Variants in LIPC observed in about 807,000 individuals in gnomAD.
The protein encoded by LIPC is lipase C, hepatic type.
A neutral mutation model predicts 50.7 loss-of-function variants in LIPC; 44 were observed. The observed-to-expected ratio is 0.87, with a 90% CI of 0.68 to 1.11. LIPC has a LOEUF of 1.11. Among genes scored for constraint, LIPC ranks in the 50% most tolerant of loss-of-function variants. The pLI, the probability that LIPC is intolerant of heterozygous loss-of-function variation, is 0.00. For missense variants in LIPC, 697 were observed against 648.2 expected (o/e 1.08, Z -0.82); for synonymous variants, 271 against 256.4 (o/e 1.06, Z -0.54).
At chr15:58,473,601 T>A (rs1566920552) in intron 1 of LIPC, 1 of 152,272 alleles carries the variant, frequency 6.6e-6, no homozygotes, top group African/African-American at 2.4e-5. Flanking sequence ...TGGCATCGGC[T>A]GGTTCAGCTA....
At chr15:58,531,206 C>T (rs1892949641) in intron 1 of LIPC, among the ~76,000 whole-genome samples, 1 of 152,158 alleles carries the variant, frequency 6.6e-6, no homozygotes, top group South Asian at 2.1e-4. Flanking sequence ...TTTAAATTTG[C>T]ATTTCTCCCA....
At chr15:58,526,335 T>C (rs550298476) in intron 1 of LIPC, among the ~76,000 whole-genome samples, 1 of 152,336 alleles carries the variant, frequency 6.6e-6, no homozygotes, top group South Asian at 2.1e-4. Context: ...GTCAGACTGA[T>C]TTCCTCATTA....
At chr15:58,505,784 C>A (rs1356038101) in intron 1 of LIPC, among the ~76,000 whole-genome samples, 1 of 152,162 alleles carries the variant, frequency 6.6e-6, no homozygotes, top group Non-Finnish European at 1.5e-5. Flanking sequence ...CAGTTCCCAC[C>A]CGAGCCAACA....
chr15:58,517,890 C>G (rs72743015), intron 1 of LIPC, among the ~76,000 whole-genome samples: 52,614 of 152,074 alleles, frequency 0.35, 9,638 homozygotes, highest in South Asian at 0.47. Context: ...ATCAGCCTTG[C>G]GGAGGTTAAA....
intron 1 of LIPC, among the ~76,000 whole-genome samples, chr15:58,459,268 C>CA (rs1209848357): frequency 4.6e-5 from 7 of 152,288 alleles, no homozygotes; most frequent in African/African-American, 1.7e-4. Flanking sequence ...CAGGAAGTGA[C>CA]ATAGACAGTG....
chr15:58,432,366 T>C (rs1165427717), intron 1 of LIPC: 4 of 548,610 alleles, frequency 7.3e-6, no homozygotes, highest in Non-Finnish European at 1.3e-5. Flanking sequence ...GTGAAGTCTC[T>C]TGCGTATCTG....
intron 1 of LIPC, among the ~76,000 whole-genome samples, chr15:58,484,959 C>G (rs1891317782): frequency 6.6e-6 from 1 of 152,032 alleles, no homozygotes; most frequent in African/African-American, 2.4e-5. Context: ...CCAAGGCCAC[C>G]AGAAAAGGAG....
intron 1 of LIPC, among the ~76,000 whole-genome samples, chr15:58,518,311 T>C (rs898493905): frequency 6.6e-6 from 1 of 152,186 alleles, no homozygotes; most frequent in Non-Finnish European, 1.5e-5. Context: ...CTGCCCTAAA[T>C]GATGCCTGAG....
At chr15:58,487,390 C>A (rs1341636454) in intron 1 of LIPC, among the ~76,000 whole-genome samples, 2 of 152,172 alleles carry the variant, frequency 1.3e-5, no homozygotes, top group Admixed American at 1.3e-4. Flanking sequence ...ACAAAGTAAG[C>A]GCTCAATAAA....
At chr15:58,546,167 C>T (rs1893524060) in intron 5 of LIPC, among the ~76,000 whole-genome samples, 192 bp downstream of exon 5, 1 of 152,220 alleles carries the variant, frequency 6.6e-6, no homozygotes. Flanking sequence ...CCCCAGCAGG[C>T]CACTCCTGGC....
intron 1 of LIPC, among the ~76,000 whole-genome samples, chr15:58,490,340 G>A (rs1399394015): frequency 6.6e-6 from 1 of 152,194 alleles, no homozygotes; most frequent in Non-Finnish European, 1.5e-5. Flanking sequence ...AGGAAAGAAA[G>A]AACGTTGATG....
rs1441528986 is a variant in LIPC at position 58,569,823 on chromosome 15, T to C, written c.*996T>C. On this transcript the variant is annotated 3_prime_UTR_variant, in exon 9 of 9. Transcript: ENST00000299022. ...TCTCAGCTTCCAGAACTGTGAGAAA[T>C]AAATGTTTCTTGTTTAAGCCATCCA... 6.4e-6 allele frequency: 1 copy of C among 155,246 alleles called. No homozygotes were observed. Among genetic ancestry groups the C allele is most frequent in the Non-Finnish European group, 1.4e-5 (1 of 70,532 alleles). 9.6% of individuals were successfully genotyped at this position (155,246 alleles called of 1,614,324 possible).
intron 3 of LIPC, 89 bp downstream of exon 3, chr15:58,542,056 G>A: frequency 7.1e-7 from 1 of 1,401,804 alleles, no homozygotes; most frequent in African/African-American, 1.4e-5. Context: ...TCCAACAGCA[G>A]CCCAGGCAGG....
In LIPC at chr15:58,563,708, G is replaced by T; in HGVS notation, c.1373G>T (p.Gly458Val). Residue 458 changes from glycine to valine, a missense_variant, in exon 8 of 9, where the codon GGA (glycine) becomes GTA (valine). Transcript: ENST00000299022. ...LVLKTIRVKA[G>V]ETQQRMTFCS... ...CTGAAGACGATCAGAGTCAAAGCAGGAGAAACCCAGCAAAGGTGACTGCTG... is the reference window on the plus strand; with the variant it reads ...CTGAAGACGATCAGAGTCAAAGCAGTAGAAACCCAGCAAAGGTGACTGCTG... 6.2e-7 allele frequency: 1 copy of T among 1,613,018 alleles called. No homozygotes were observed. Among genetic ancestry groups the T allele is most frequent in the South Asian group, 1.1e-5 (1 of 91,010 alleles).
Position 58,545,894 on chromosome 15 carries a change from T to G in LIPC, c.727T>G (p.Phe243Val), listed in dbSNP as rs1488450562. 1 of 1,614,208 alleles carries G rather than the reference T, an allele frequency of 6.2e-7. No homozygotes were observed. Among genetic ancestry groups the G allele is most frequent in the South Asian group, 1.1e-5 (1 of 91,076 alleles). ...CAAACAGCCCATAGGACACTATGAC[T>G]TCTATCCCAACGGGGGCTCCTTCCA... Reference protein sequence around the residue: ...GIKQPIGHYDFYPNGGSFQPG... With the variant: ...GIKQPIGHYDVYPNGGSFQPG... The change falls in exon 5 of 9, where the codon TTC (phenylalanine) becomes GTC (valine). Residue 243 changes from phenylalanine (F) to valine (V), a missense_variant. Transcript: ENST00000299022.
intron 1 of LIPC, among the ~76,000 whole-genome samples, chr15:58,489,232 G>C (rs1040767769): frequency 8.3e-6 from 1 of 120,854 alleles, no homozygotes; most frequent in East Asian, 2.7e-4. Context: ...GCGGGGGGGC[G>C]GCTTACAAGC....
intron 7 of LIPC, among the ~76,000 whole-genome samples, chr15:58,562,240 C>T (rs8030903): frequency 0.95 from 144,387 of 152,152 alleles, 68,713 homozygotes; most frequent in Middle Eastern, 0.99. Flanking sequence ...GCCTCTCCAG[C>T]TCCCACCAAC....
chr15:58,497,950 A>T (rs1281554961), intron 1 of LIPC: 1 of 152,046 alleles, frequency 6.6e-6, no homozygotes, highest in African/African-American at 2.4e-5. Flanking sequence ...TTTTTTCTTA[A>T]AGAGGACCTC....
chr15:58,503,183 CTG>C (rs10562226), intron 1 of LIPC, among the ~76,000 whole-genome samples: 3,666 of 152,236 alleles, frequency 0.024, 148 homozygotes, highest in African/African-American at 0.082. Context: ...AAGGGGGAAA[CTG>C]AGGTGCAGAA....
Sources: allele counts gnomAD v4.1 joint callset (sites outside exome capture counted in the v4.1 genomes callset), GRCh38; gene constraint gnomAD v4.1.1; transcripts MANE v1.5; gene names NCBI Gene and HGNC (gene_info 2026-07-23, HGNC 2026-07-21).